Variants in SNX19 observed in about 807,000 individuals in gnomAD.
SNX19 encodes sorting nexin 19, also known as sorting nexin-19.
Under a neutral mutation model 85.2 loss-of-function variants are expected in SNX19, and 60 were observed. That is an observed-to-expected ratio of 0.70 (90% CI 0.57 to 0.87). The LOEUF is 0.87. Ranked by LOEUF, SNX19 falls within the 40% of genes least tolerant of loss-of-function variation. SNX19 has a pLI of 0.00. For missense variants in SNX19, 1,201 were observed against 1,217.8 expected (o/e 0.99, Z 0.21); for synonymous variants, 520 against 470.0 (o/e 1.11, Z -1.38).
rs1340264375 is a variant in SNX19 at position 130,914,359 on chromosome 11, T to C, written c.1581A>G (p.Pro527=). Residue 527 remains proline, a synonymous_variant, in exon 1 of 11, where the codon CCA becomes CCG. Coordinates refer to ENST00000265909, the MANE Select transcript of SNX19 (RefSeq NM_014758.3). ...TGATACGAAGGTTCTGGATGATAAC[T>C]GGACCATCGGGACTGCTTAGGGGCT... The part of the protein sequence containing the change: ...SFEPLSSPDG[P]VIIQNLRITG... The C allele has an allele frequency of 6.2e-7, 1 of 1,613,834 alleles. No individual in the cohort carries two copies. The highest frequency in any genetic ancestry group is 1.1e-5 in the South Asian group (1 of 91,036).
intron 10 of SNX19, 148 bp downstream of exon 10, chr11:130,879,476 G>A (rs941218909): frequency 4.1e-5 from 27 of 653,648 alleles, no homozygotes; most frequent in Non-Finnish European, 5.8e-5. Context: ...GGATCTGGAC[G>A]TCAAACTCTG....
rs1943071881 is a variant in SNX19 at position 130,872,607 on chromosome 11, C to T, written c.*5815G>A. Among the ~76,000 whole-genome samples the T allele has an allele frequency of 6.6e-6, 1 of 152,180 alleles. No homozygotes were observed. The highest frequency in any genetic ancestry group is 2.1e-4 in the South Asian group (1 of 4,830). ...ACCATAAAAGAGTGATGGCAATATG[C>T]TAGCTGAAATTCACCCTTCGATGGT... On this transcript the variant is annotated 3_prime_UTR_variant, in exon 11 of 11. Transcript: ENST00000265909.
intron 8 of SNX19, among the ~76,000 whole-genome samples, chr11:130,885,522 C>A (rs1387888091): frequency 1.3e-5 from 2 of 152,176 alleles, no homozygotes; most frequent in Non-Finnish European, 2.9e-5. Context: ...CCCTTCATTT[C>A]TTTTCTAAGA....
At position 130,867,963 on chromosome 11, in the gene SNX19, G is replaced by C. The variant is rs764130757; in HGVS notation, c.*10459C>G. On this transcript the variant is annotated 3_prime_UTR_variant, in exon 11 of 11. Transcript: ENST00000265909. ...CCTTTCCTTTGGGTGGCTTTGGGGGGAGTGAAATTTTTATGAGAACCCACA... is the reference window on the plus strand; with the variant it reads ...CCTTTCCTTTGGGTGGCTTTGGGGGCAGTGAAATTTTTATGAGAACCCACA... The C allele has an allele frequency of 6.6e-6, 1 of 152,176 alleles. No individual in the cohort carries two copies. The highest frequency in any genetic ancestry group is 2.1e-4 in the South Asian group (1 of 4,830). 9.4% of individuals were successfully genotyped at this position (152,176 alleles called of 1,614,324 possible). A position where few individuals can be genotyped will look rare whatever the true frequency, so the allele number is the denominator to read the frequency against.
chr11:130,904,077 A>ACGTTCTT (rs1478928851), intron 7 of SNX19, among the ~76,000 whole-genome samples: 1 of 152,138 alleles, frequency 6.6e-6, no homozygotes, highest in Admixed American at 6.5e-5. Context: ...AACAATTACT[A>ACGTTCTT]CGTTCTTTCC....
Position 130,873,416 on chromosome 11 carries a change from A to C in SNX19, c.*5006T>G, listed in dbSNP as rs1424332274. ...AGACTGTAGACTCCTTAAAAGTGAG[A>C]ACCTGATCTTGTTCTGCTTTGTAAG... On this transcript the variant is annotated 3_prime_UTR_variant, in exon 11 of 11. Transcript: ENST00000265909. Among the ~76,000 whole-genome samples the C allele has an allele frequency of 6.6e-6, 1 of 152,164 alleles. No homozygotes were observed. The highest frequency in any genetic ancestry group is 2.4e-5 in the African/African-American group (1 of 41,450).
chr11:130,906,502 C>T (rs1015794427), intron 6 of SNX19, 123 bp downstream of exon 6: 25 of 745,840 alleles, frequency 3.4e-5, no homozygotes, highest in Admixed American at 1.1e-4. Flanking sequence ...GCTGGAGATC[C>T]AAACGTTGAT....
rs768873936 is a variant in SNX19 at position 130,910,077 on chromosome 11, T to G, written c.1975A>C (p.Asn659His). 2 of 1,614,152 alleles carry G rather than the reference T, an allele frequency of 1.2e-6. No homozygotes were observed. Among genetic ancestry groups the G allele is most frequent in the South Asian group, 2.2e-5 (2 of 91,086 alleles). Residue 659 changes from asparagine (N) to histidine (H), a missense_variant, in exon 4 of 11, where the codon AAC (asparagine) becomes CAC (histidine). Around this residue, in one of 3 missense-constraint regions of SNX19, gnomAD observed 125 missense variants for 171.6 expected, o/e 0.73. Coordinates refer to ENST00000265909, the MANE Select transcript of SNX19 (RefSeq NM_014758.3). ...SEEVQEFLAL[N>H]TDARIAFVKK... The stretch of plus-strand genomic sequence containing the variant: ...ACAAAGGCAATACGAGCATCTGTGT[T>G]CAGAGCAAGGAACTCCTGCACCTCC...
chr11:130,897,866 G>A (rs958358439), intron 8 of SNX19, among the ~76,000 whole-genome samples: 2 of 152,284 alleles, frequency 1.3e-5, no homozygotes, highest in Admixed American at 1.3e-4. Flanking sequence ...AGTGCTACCC[G>A]CTCTCCCCTT....
chr11:130,915,679 G>C lies in SNX19; in HGVS notation c.261C>G (p.Thr87=), dbSNP rs765193433. 1 of 1,614,260 alleles carries C rather than the reference G, an allele frequency of 6.2e-7. No individual in the cohort carries two copies. The highest frequency in any genetic ancestry group is 1.1e-5 in the South Asian group (1 of 91,090). ...LHLERFIPLA[T]CPPCPEAERQ... The stretch of plus-strand genomic sequence containing the variant: ...TTTCTGCCTCAGGGCATGGAGGACA[G>C]GTGGCCAACGGGATGAAGCGTTCCA... Residue 87 remains threonine (T), a synonymous_variant, in exon 1 of 11, where the codon ACC becomes ACG. Transcript: ENST00000265909.
chr11:130,892,092 C>A (rs1404084223), intron 8 of SNX19, among the ~76,000 whole-genome samples: 1 of 151,300 alleles, frequency 6.6e-6, no homozygotes, highest in Non-Finnish European at 1.5e-5. Flanking sequence ...GATCCACCCA[C>A]CTTGGCCTCC....
At chr11:130,882,740 C>G (rs1002084906) in intron 8 of SNX19, among the ~76,000 whole-genome samples, 1 of 152,326 alleles carries the variant, frequency 6.6e-6, no homozygotes, top group East Asian at 1.9e-4. Flanking sequence ...GCTGCAATGA[C>G]CTGATCGGCT....
chr11:130,903,809 C>T (rs1945450655), intron 7 of SNX19, among the ~76,000 whole-genome samples: 1 of 151,716 alleles, frequency 6.6e-6, no homozygotes, highest in African/African-American at 2.4e-5. Context: ...ATGCTGAATA[C>T]TTTCTGTTCC....
At position 130,915,232 on chromosome 11, in the gene SNX19, A is replaced by C; in HGVS notation, c.708T>G (p.His236Gln). 1 of 1,614,230 alleles carries C rather than the reference A, an allele frequency of 6.2e-7. No homozygotes were observed. The highest frequency in any genetic ancestry group is 8.5e-7 in the Non-Finnish European group (1 of 1,180,048). ...TGCATGTGATGAGTTCGACCACTAC[A>C]TGGCGTCCGGTACGAGTCTCCAAGT... Reference protein sequence around the residue: ...KPHLETRTGRHVVVELITCNV... With the variant: ...KPHLETRTGRQVVVELITCNV... Residue 236 changes from histidine (H) to glutamine (Q), a missense_variant, in exon 1 of 11, where the codon CAT becomes CAG. Around this residue, in one of 3 missense-constraint regions of SNX19, gnomAD observed 791 missense variants for 750.9 expected, o/e 1.05. Transcript: ENST00000265909.
chr11:130,914,204 C>T (rs1946358015), intron 1 of SNX19, 62 bp downstream of exon 1: 1 of 1,400,570 alleles, frequency 7.1e-7, no homozygotes, highest in Non-Finnish European at 9.7e-7. Context: ...ACATTTGCTT[C>T]ATGACTGCTT....
Position 130,871,118 on chromosome 11 carries a change from CA to C in SNX19, c.*7303del, listed in dbSNP as rs1218472568. Among the ~76,000 whole-genome samples the C allele has an allele frequency of 6.6e-5, 10 of 152,108 alleles. No homozygotes were observed. ...AAGGACATGAACAAAAAAATGAAAG[CA>C]GGAAGGAACATGCTGGTTTGGGCAG... On this transcript the variant is annotated 3_prime_UTR_variant, in exon 11 of 11. Transcript: ENST00000265909.
At position 130,867,120 on chromosome 11, in the gene SNX19, C is replaced by T. The variant is rs1942799075; in HGVS notation, c.*11302G>A. 6.6e-6 allele frequency: 1 copy of T among 152,174 alleles called. No individual in the cohort carries two copies. Among genetic ancestry groups the T allele is most frequent in the Non-Finnish European group, 1.5e-5 (1 of 68,052 alleles). 9.4% of individuals were successfully genotyped at this position (152,174 alleles called of 1,614,324 possible). Reference sequence around the variant, plus strand: ...TTCTTAATCCCCGTGCTGCTGCCTCCCAATAAACTGGGTGAGTGATCCTGG... The same window carrying T: ...TTCTTAATCCCCGTGCTGCTGCCTCTCAATAAACTGGGTGAGTGATCCTGG... On this transcript the variant is annotated 3_prime_UTR_variant, in exon 11 of 11. Transcript: ENST00000265909.
At chr11:130,887,547 A>G (rs1944177916) in intron 8 of SNX19, among the ~76,000 whole-genome samples, 1 of 152,204 alleles carries the variant, frequency 6.6e-6, no homozygotes, top group Non-Finnish European at 1.5e-5. Context: ...TAGCAATGTG[A>G]CCTCAGGCAA....
At chr11:130,895,464 G>T (rs563125961) in intron 8 of SNX19, among the ~76,000 whole-genome samples, 2 of 152,282 alleles carry the variant, frequency 1.3e-5, no homozygotes, top group African/African-American at 4.8e-5. Flanking sequence ...ATGGGGCTGG[G>T]TGTTGAAGAT....
Sources: gnomAD v4.1 joint callset for allele counts (sites outside exome capture counted in the v4.1 genomes callset) on GRCh38, gnomAD v4.1.1 for gene constraint, gnomAD v4.1.1 regional missense constraint, MANE v1.5 for transcripts, NCBI Gene and HGNC (gene_info 2026-07-23, HGNC 2026-07-21) for gene names.